Variants in ADCY9 observed in about 807,000 individuals in gnomAD.
The protein encoded by ADCY9 is adenylate cyclase 9.
ADCY9 carries 50 observed loss-of-function variants against 101.5 expected under a neutral mutation model. The observed-to-expected ratio is 0.49, with a 90% CI of 0.39 to 0.62. The LOEUF (loss-of-function observed/expected upper bound fraction) is 0.62, where lower values mean the gene tolerates loss of function less well. Among genes scored for constraint, ADCY9 ranks in the 20% least tolerant of loss-of-function variants. The probability of loss-of-function intolerance (pLI) is 0.00; values close to 1 mark genes in which losing one functional copy is unlikely to be tolerated. For synonymous variants in ADCY9, 905 were observed against 769.3 expected (o/e 1.18, Z -2.92); for missense variants, 1,662 against 1,800.4 (o/e 0.92, Z 1.39).
chr16:4,023,501 C>G (rs117247617), intron 2 of ADCY9, among the ~76,000 whole-genome samples: 2 of 152,120 alleles, frequency 1.3e-5, no homozygotes, highest in Non-Finnish European at 2.9e-5. Context: ...ATGGAAAGGA[C>G]GGTCCCAGCA....
chr16:4,070,424 G>A (rs762375654), intron 2 of ADCY9, among the ~76,000 whole-genome samples: 26 of 152,080 alleles, frequency 1.7e-4, no homozygotes, highest in Non-Finnish European at 2.9e-4. Flanking sequence ...ATAATATTAT[G>A]TTATAAACCT....
At chr16:4,057,231 C>A (rs1306654934) in intron 2 of ADCY9, among the ~76,000 whole-genome samples, 1 of 152,084 alleles carries the variant, frequency 6.6e-6, no homozygotes, top group Middle Eastern at 3.2e-3. Context: ...GCCTCCAACC[C>A]CTGGCCTCAA....
chr16:4,000,968 T>TCTACACACAC (rs1555508135), intron 3 of ADCY9, among the ~76,000 whole-genome samples: 1 of 125,258 alleles, frequency 8.0e-6, no homozygotes, highest in African/African-American at 2.9e-5. Context: ...TCCCTCTCTC[T>TCTACACACAC]ACACACACAC....
At chr16:4,071,356 A>AAAAAAAAAAAAAAT (rs2056833289) in intron 2 of ADCY9, among the ~76,000 whole-genome samples, 1 of 146,604 alleles carries the variant, frequency 6.8e-6, no homozygotes. Context: ...AAAAAAAAAA[A>AAAAAAAAAAAAAAT]AAAAAAAATC....
At chr16:4,007,597 G>A in intron 2 of ADCY9, 39 bp from the exon 3 acceptor site, 1 of 1,537,180 alleles carries the variant, frequency 6.5e-7, no homozygotes, top group Non-Finnish European at 8.8e-7. Context: ...CAGATTGAAA[G>A]CACCGTCTGT....
At chr16:3,956,014 C>T (rs1391159631) in intron 5 of ADCY9, among the ~76,000 whole-genome samples, 1 of 152,128 alleles carries the variant, frequency 6.6e-6, no homozygotes, top group Admixed American at 6.6e-5. Context: ...ATGTGTACAC[C>T]ACCGTGCCTG....
chr16:4,076,477 A>T (rs1279003312), intron 2 of ADCY9, among the ~76,000 whole-genome samples: 1 of 152,200 alleles, frequency 6.6e-6, no homozygotes, highest in Non-Finnish European at 1.5e-5. Flanking sequence ...AACTCGTCCC[A>T]CACAAAGACA....
intron 2 of ADCY9, among the ~76,000 whole-genome samples, chr16:4,106,752 A>G (rs2057079989): frequency 6.6e-6 from 1 of 152,248 alleles, no homozygotes; most frequent in Admixed American, 6.5e-5. Flanking sequence ...CCAGACATGG[A>G]CAGATTAATG....
chr16:4,037,876 A>G (rs972738409), intron 2 of ADCY9, among the ~76,000 whole-genome samples: 2 of 152,220 alleles, frequency 1.3e-5, no homozygotes, highest in Admixed American at 6.5e-5. Context: ...ACTAGAAAAG[A>G]GACAATCCAT....
chr16:4,060,485 G>A (rs757258925), intron 2 of ADCY9, among the ~76,000 whole-genome samples: 6 of 152,116 alleles, frequency 3.9e-5, no homozygotes, highest in East Asian at 1.9e-4. Flanking sequence ...GTCCCTAAAC[G>A]TACACACATA....
At chr16:4,078,635 G>C (rs901125452) in intron 2 of ADCY9, among the ~76,000 whole-genome samples, 1 of 151,678 alleles carries the variant, frequency 6.6e-6, no homozygotes, top group South Asian at 2.1e-4. Flanking sequence ...ATAGTCCTCA[G>C]GTGGGGAAGG....
At chr16:4,034,715 G>A (rs1284265698) in intron 2 of ADCY9, among the ~76,000 whole-genome samples, 1 of 152,150 alleles carries the variant, frequency 6.6e-6, no homozygotes. Context: ...CACTGCACCT[G>A]GCCCAAAGTC....
At chr16:4,022,150 T>C (rs1029059044) in intron 2 of ADCY9, among the ~76,000 whole-genome samples, 14 of 152,238 alleles carry the variant, frequency 9.2e-5, no homozygotes, top group Admixed American at 3.9e-4. Context: ...CCCATCCCCC[T>C]TTCCATGCTT....
chr16:4,021,125 G>T (rs2056473581), intron 2 of ADCY9, among the ~76,000 whole-genome samples: 1 of 152,098 alleles, frequency 6.6e-6, no homozygotes, highest in Admixed American at 6.6e-5. Flanking sequence ...TTAAAAAGTG[G>T]TTGGTAAAAC....
At chr16:4,056,987 G>A (rs2056742588) in intron 2 of ADCY9, among the ~76,000 whole-genome samples, 1 of 147,328 alleles carries the variant, frequency 6.8e-6, no homozygotes, top group African/African-American at 2.5e-5. Context: ...AGTCCTAGCA[G>A]AGGTCAGACC....
intron 2 of ADCY9, among the ~76,000 whole-genome samples, chr16:4,028,640 G>A (rs939006855): frequency 2.0e-5 from 3 of 152,144 alleles, no homozygotes; most frequent in Non-Finnish European, 2.9e-5. Context: ...TGGGATGATG[G>A]AAATGTTCTA....
At chr16:4,032,296 A>C (rs987596932) in intron 2 of ADCY9, among the ~76,000 whole-genome samples, 3 of 151,748 alleles carry the variant, frequency 2.0e-5, no homozygotes, top group African/African-American at 7.3e-5. Context: ...CTCAAAAAAA[A>C]AAAGAAAGAA....
intron 5 of ADCY9, among the ~76,000 whole-genome samples, chr16:3,989,854 C>G (rs1263359314): frequency 6.6e-6 from 1 of 152,206 alleles, no homozygotes; most frequent in Non-Finnish European, 1.5e-5. Flanking sequence ...ATTCAGAGCA[C>G]TGACAGTAAT....
intron 2 of ADCY9, among the ~76,000 whole-genome samples, chr16:4,076,861 G>A (rs542701947): frequency 6.6e-6 from 1 of 152,278 alleles, no homozygotes; most frequent in East Asian, 1.9e-4. Flanking sequence ...AGGATCACCT[G>A]AGGTGAGGAG....
Sources: gnomAD v4.1 joint callset for allele counts (sites outside exome capture counted in the v4.1 genomes callset) on GRCh38, gnomAD v4.1.1 for gene constraint, MANE v1.5 for transcripts, NCBI Gene and HGNC (gene_info 2026-07-23, HGNC 2026-07-21) for gene names.